The following IL1RAPL1 variants were observed in gnomAD, a reference collection of about 807,000 sequenced individuals.
IL1RAPL1 encodes the protein interleukin 1 receptor accessory protein like 1, also known as interleukin-1 receptor accessory protein-like 1.
IL1RAPL1 carries 3 observed loss-of-function variants against 48.4 expected under a neutral mutation model. That is an observed-to-expected ratio of 0.06 (90% CI 0.03 to 0.16). IL1RAPL1 has a LOEUF of 0.16. Ranked by LOEUF, IL1RAPL1 falls within the 10% of genes least tolerant of loss-of-function variation. IL1RAPL1 has a pLI of 1.00. For synonymous variants in IL1RAPL1, 185 were observed against 187.7 expected (o/e 0.99, Z 0.12); for missense variants, 349 against 530.6 (o/e 0.66, Z 3.36).
At chrX:29,947,476 C>T (rs967059239) in intron 9 of IL1RAPL1, among the ~76,000 whole-genome samples, 2 of 111,270 alleles carry the variant, frequency 1.8e-5, no homozygotes, top group Admixed American at 9.6e-5. Context: ...CCTAGTCCTA[C>T]GTTGGGAGTT....
intron 6 of IL1RAPL1, among the ~76,000 whole-genome samples, chrX:29,682,234 G>A (rs948269713): frequency 9.0e-6 from 1 of 111,332 alleles, no homozygotes; most frequent in Non-Finnish European, 1.9e-5. Context: ...GTGTCTGCCT[G>A]TTATCTAGAA....
At chrX:29,837,290 TATATATATATAC>T (rs1266868724) in intron 6 of IL1RAPL1, among the ~76,000 whole-genome samples, 1 of 72,837 alleles carries the variant, frequency 1.4e-5, no homozygotes, top group African/African-American at 6.7e-5. Flanking sequence ...TATATATATA[TATATATATATAC>T]ACACACACAC....
chrX:29,630,827 C>T (rs780824622), intron 5 of IL1RAPL1, among the ~76,000 whole-genome samples: 5 of 112,185 alleles, frequency 4.5e-5, no homozygotes, highest in Non-Finnish European at 9.4e-5. Context: ...CGTGAGCCAC[C>T]GCGCCCAGCC....
chrX:29,053,790 A>G (rs778233268), intron 2 of IL1RAPL1, among the ~76,000 whole-genome samples: 13 of 109,591 alleles, frequency 1.2e-4, no homozygotes, highest in Non-Finnish European at 2.5e-4. Flanking sequence ...GCATATGGCT[A>G]GTCAGTTATC....
At chrX:29,242,230 AAC>A (rs1931434409) in intron 2 of IL1RAPL1, among the ~76,000 whole-genome samples, 1 of 112,690 alleles carries the variant, frequency 8.9e-6, no homozygotes, top group East Asian at 2.8e-4. Context: ...GTATGTGCTA[AAC>A]AGTCTTGTAG....
chrX:28,957,728 G>A (rs1489407202), intron 2 of IL1RAPL1, among the ~76,000 whole-genome samples: 1 of 109,641 alleles, frequency 9.1e-6, no homozygotes, highest in East Asian at 2.9e-4. Context: ...TTGGGAGGCC[G>A]AGGGGGGTGG....
At chrX:28,872,142 G>A (rs111421846) in intron 2 of IL1RAPL1, among the ~76,000 whole-genome samples, 2,065 of 109,229 alleles carry the variant, frequency 0.019, 58 homozygotes, top group African/African-American at 0.066. Flanking sequence ...TGATTAGCTG[G>A]GACTACAGGG....
intron 5 of IL1RAPL1, among the ~76,000 whole-genome samples, chrX:29,417,113 C>G (rs912862906): frequency 9.0e-6 from 1 of 111,719 alleles, no homozygotes; most frequent in Non-Finnish European, 1.9e-5. Flanking sequence ...AAAAGGTCCA[C>G]TAATTATATC....
chrX:28,930,162 T>C (rs934860224), intron 2 of IL1RAPL1, among the ~76,000 whole-genome samples: 53 of 112,200 alleles, frequency 4.7e-4, no homozygotes, highest in African/African-American at 1.7e-3. Flanking sequence ...CAACAATCCT[T>C]ACTCTAATCC....
intron 5 of IL1RAPL1, among the ~76,000 whole-genome samples, chrX:29,441,429 C>G (rs1219854759): frequency 1.8e-5 from 2 of 112,051 alleles, no homozygotes; most frequent in African/African-American, 6.5e-5. Flanking sequence ...TTTTACTGTT[C>G]CACATGAATG....
intron 6 of IL1RAPL1, among the ~76,000 whole-genome samples, chrX:29,696,078 G>A (rs892681861): frequency 2.7e-5 from 3 of 110,922 alleles, no homozygotes; most frequent in African/African-American, 6.5e-5. Flanking sequence ...TCTCATCCTC[G>A]GCACTACTGA....
intron 6 of IL1RAPL1, among the ~76,000 whole-genome samples, chrX:29,701,232 G>A (rs772863641): frequency 8.9e-6 from 1 of 111,901 alleles, no homozygotes; most frequent in African/African-American, 3.2e-5. Flanking sequence ...TTCAAAATGT[G>A]GCAGTGTGTT....
intron 6 of IL1RAPL1, among the ~76,000 whole-genome samples, chrX:29,672,099 A>T (rs774705235): frequency 2.7e-5 from 3 of 111,911 alleles, no homozygotes; most frequent in Non-Finnish European, 5.6e-5. Context: ...TGTGAATGTC[A>T]TATAATTTCA....
At chrX:29,922,372 A>G (rs1041512204) in intron 8 of IL1RAPL1, among the ~76,000 whole-genome samples, 1 of 112,361 alleles carries the variant, frequency 8.9e-6, no homozygotes, top group Non-Finnish European at 1.9e-5. Context: ...TTTTTCAAAT[A>G]TGCGTTTATA....
At chrX:29,946,989 G>T in intron 9 of IL1RAPL1, among the ~76,000 whole-genome samples, 1 of 112,003 alleles carries the variant, frequency 8.9e-6, no homozygotes, top group Non-Finnish European at 1.9e-5. Flanking sequence ...AATGAAACTT[G>T]ATTTCTAATA....
intron 2 of IL1RAPL1, among the ~76,000 whole-genome samples, chrX:29,030,862 G>A (rs1482172178): frequency 1.8e-5 from 2 of 111,453 alleles, no homozygotes; most frequent in East Asian, 5.6e-4. Flanking sequence ...GAATGAAAGT[G>A]GGATTCAGTT....
chrX:28,862,681 G>A (rs1194059031), intron 2 of IL1RAPL1, among the ~76,000 whole-genome samples: 1 of 111,384 alleles, frequency 9.0e-6, no homozygotes, highest in African/African-American at 3.3e-5. Context: ...TTAGGACTTT[G>A]AAAAGAAATG....
intron 3 of IL1RAPL1, among the ~76,000 whole-genome samples, chrX:29,382,107 A>G (rs1933719191): frequency 1.8e-5 from 2 of 110,248 alleles, no homozygotes; most frequent in South Asian, 7.7e-4. Context: ...AATGATTACA[A>G]TGCTGTTGCA....
chrX:28,627,336 G>A (rs1045715285), intron 1 of IL1RAPL1, among the ~76,000 whole-genome samples: 13 of 112,024 alleles, frequency 1.2e-4, no homozygotes, highest in African/African-American at 3.9e-4. Flanking sequence ...AGGGTGGGGA[G>A]TAAATTCAAG....
Sources: gnomAD v4.1 joint callset for allele counts (sites outside exome capture counted in the v4.1 genomes callset) on GRCh38, gnomAD v4.1.1 for gene constraint, MANE v1.5 for transcripts, NCBI Gene and HGNC (gene_info 2026-07-23, HGNC 2026-07-21) for gene names.